The following AREG variants were observed in gnomAD, a reference collection of about 807,000 sequenced individuals.
The protein encoded by AREG is amphiregulin B.
Under a neutral mutation model 28.0 loss-of-function variants are expected in AREG, and 16 were observed. That is an observed-to-expected ratio of 0.57 (90% confidence interval 0.39 to 0.87). The LOEUF is 0.87. Ranked by LOEUF, AREG falls within the 40% of genes least tolerant of loss-of-function variation. The probability of loss-of-function intolerance (pLI) is 0.00; values close to 1 mark genes in which losing one functional copy is unlikely to be tolerated. For synonymous variants in AREG, 113 were observed against 113.5 expected (o/e 1.00, Z 0.02); for missense variants, 287 against 309.1 (o/e 0.93, Z 0.53).
At position 74,454,838 on chromosome 4, in the gene AREG, G is replaced by A. The variant is rs1384170329; in HGVS notation, c.*98G>A. The A allele has an allele frequency of 2.9e-6, 2 of 700,070 alleles. No individual in the cohort carries two copies. The highest frequency in any genetic ancestry group is 5.2e-6 in the Non-Finnish European group (2 of 383,538). 43.4% of individuals were successfully genotyped at this position (700,070 alleles called of 1,614,324 possible). A position where few individuals can be genotyped will look rare whatever the true frequency, so the allele number is the denominator to read the frequency against. Reference sequence around the variant, plus strand: ...CTTTCCAGTGGATCATAAGACAATGGACCCTTTTTGTTATGATGGTTTTAA... The same window carrying A: ...CTTTCCAGTGGATCATAAGACAATGAACCCTTTTTGTTATGATGGTTTTAA... On this transcript the variant is annotated 3_prime_UTR_variant, in exon 6 of 6. Transcript: ENST00000395748.
intron 3 of AREG, 96 bp downstream of exon 3, chr4:74,449,344 C>T: frequency 6.3e-7 from 1 of 1,576,174 alleles, no homozygotes. Context: ...ATGTATAAAC[C>T]AAGGGTCAGT....
At position 74,454,823 on chromosome 4, in the gene AREG, G is replaced by C; in HGVS notation, c.*83G>C. 2 of 700,378 alleles carry C rather than the reference G, an allele frequency of 2.9e-6. No individual in the cohort carries two copies. The highest frequency in any genetic ancestry group is 5.4e-5 in the East Asian group (2 of 37,144). 43.4% of individuals were successfully genotyped at this position (700,378 alleles called of 1,614,324 possible). On this transcript the variant is annotated 3_prime_UTR_variant, in exon 6 of 6. Transcript: ENST00000395748. ...TGATGAGTCGGTCCTCTTTCCAGTG[G>C]ATCATAAGACAATGGACCCTTTTTG...
intron 5 of AREG, among the ~76,000 whole-genome samples, chr4:74,453,984 C>T (rs544188364): frequency 6.6e-6 from 1 of 151,786 alleles, no homozygotes; most frequent in African/African-American, 2.4e-5. Context: ...CTAAGCCCAG[C>T]CCTAAATCTA....
At chr4:74,449,472 G>A (rs1719345729) in intron 3 of AREG, among the ~76,000 whole-genome samples, 1 of 152,350 alleles carries the variant, frequency 6.6e-6, no homozygotes. Flanking sequence ...ATTGGTGGGT[G>A]CAGTGGTTCA....
chr4:74,446,456 C>T (rs1181454520), intron 1 of AREG, 78 bp from the exon 2 acceptor site: 32 of 1,611,920 alleles, frequency 2.0e-5, no homozygotes, highest in Non-Finnish European at 2.5e-5. Flanking sequence ...AAAAGATAAA[C>T]TTTTCTACCT....
rs1452820799 is a variant in AREG, at chr4:74,454,842, C to G, written c.*102C>G. The G allele has an allele frequency of 2.4e-5, 17 of 699,754 alleles. No individual in the cohort carries two copies. The Middle Eastern group carries it at 9.1e-4, about 38-fold the overall frequency. 43.3% of individuals were successfully genotyped at this position (699,754 alleles called of 1,614,324 possible). ...CCAGTGGATCATAAGACAATGGACCCTTTTTGTTATGATGGTTTTAAACTT... is the reference window on the plus strand; with the variant it reads ...CCAGTGGATCATAAGACAATGGACCGTTTTTGTTATGATGGTTTTAAACTT... On this transcript the variant is annotated 3_prime_UTR_variant, in exon 6 of 6. Transcript: ENST00000395748.
intron 4 of AREG, among the ~76,000 whole-genome samples, chr4:74,451,818 C>A (rs1453393723): frequency 2.6e-5 from 4 of 152,128 alleles, no homozygotes; most frequent in Non-Finnish European, 5.9e-5. Flanking sequence ...TGTTAGCACT[C>A]TTAAAATTAA....
chr4:74,449,443 A>C (rs1172559313), intron 3 of AREG, among the ~76,000 whole-genome samples, 195 bp downstream of exon 3: 1 of 152,212 alleles, frequency 6.6e-6, no homozygotes, highest in Middle Eastern at 3.2e-3. Context: ...ATTAAAGTGT[A>C]ACCATTTAAA....
At chr4:74,447,809 G>A (rs1396058526) in intron 2 of AREG, among the ~76,000 whole-genome samples, 8 of 152,222 alleles carry the variant, frequency 5.3e-5, no homozygotes, top group South Asian at 2.1e-4. Context: ...AACCTTTAGC[G>A]AACACTCCAC....
At chr4:74,447,714 C>G (rs1372938689) in intron 2 of AREG, among the ~76,000 whole-genome samples, 4 of 152,230 alleles carry the variant, frequency 2.6e-5, no homozygotes, top group Non-Finnish European at 5.9e-5. Context: ...CTGGCTTCTC[C>G]CCCTCTTGTC....
intron 2 of AREG, 47 bp from the exon 3 acceptor site, chr4:74,449,000 A>G: frequency 6.2e-7 from 1 of 1,600,656 alleles, no homozygotes; most frequent in Non-Finnish European, 8.5e-7. Context: ...CTCTAAAATT[A>G]TATTCAAGTT....
chr4:74,446,226 C>T (rs2110410589), intron 1 of AREG, among the ~76,000 whole-genome samples: 1 of 152,222 alleles, frequency 6.6e-6, no homozygotes, highest in East Asian at 1.9e-4. Context: ...AATTTTTAGA[C>T]ATTACCCATC....
intron 5 of AREG, 98 bp downstream of exon 5, chr4:74,452,753 A>G: frequency 9.6e-7 from 1 of 1,041,596 alleles, no homozygotes; most frequent in Non-Finnish European, 1.4e-6. Context: ...GTTCTTAATT[A>G]TATATACACT....
At chr4:74,453,534 G>T (rs1719413222) in intron 5 of AREG, among the ~76,000 whole-genome samples, 1 of 152,150 alleles carries the variant, frequency 6.6e-6, no homozygotes. Flanking sequence ...TTTGTCAGAA[G>T]AAGGAACTTT....
At chr4:74,453,363 G>C (rs1719411120) in intron 5 of AREG, among the ~76,000 whole-genome samples, 1 of 152,076 alleles carries the variant, frequency 6.6e-6, no homozygotes, top group Admixed American at 6.6e-5. Context: ...ATAGGTTGGT[G>C]AAAACTTATA....
chr4:74,447,164 C>T (rs958984317), intron 2 of AREG, among the ~76,000 whole-genome samples: 54 of 152,158 alleles, frequency 3.5e-4, no homozygotes, highest in Admixed American at 1.3e-4. Context: ...AAGCTCTTTC[C>T]CACTATGCTA....
At position 74,445,309 on chromosome 4, in the gene AREG, G is replaced by A; in HGVS notation, c.-37G>A. The A allele has an allele frequency of 6.2e-7, 1 of 1,601,976 alleles. No individual in the cohort carries two copies. Among genetic ancestry groups the A allele is most frequent in the South Asian group, 1.1e-5 (1 of 89,026 alleles). On this transcript the variant is annotated 5_prime_UTR_variant, in exon 1 of 6. Coordinates refer to ENST00000395748, the MANE Select transcript of AREG (RefSeq NM_001657.4). ...CAGCTCGTGTCCCAGAGACCGAGTT[G>A]CCCCAGAGACCGAGACGCCGCCGCT...
chr4:74,453,373 A>C (rs1719411200), intron 5 of AREG, among the ~76,000 whole-genome samples: 1 of 152,122 alleles, frequency 6.6e-6, no homozygotes, highest in African/African-American at 2.4e-5. Flanking sequence ...GAAAACTTAT[A>C]TTTTCTTGTA....
chr4:74,452,418 G>A, intron 4 of AREG, 126 bp from the exon 5 acceptor site: 1 of 1,073,184 alleles, frequency 9.3e-7, no homozygotes, highest in Non-Finnish European at 1.4e-6. Flanking sequence ...TAGGTTTAGT[G>A]TCAAGTATAG....
Sources: allele counts gnomAD v4.1 joint callset (sites outside exome capture counted in the v4.1 genomes callset), GRCh38; gene constraint gnomAD v4.1.1; transcripts MANE v1.5; gene names NCBI Gene and HGNC (gene_info 2026-07-23, HGNC 2026-07-21).